The following SERPINB12 variants were observed in gnomAD, a reference collection of about 807,000 sequenced individuals.
The protein encoded by SERPINB12 is serpin family B member 12, also known as serpin B12.
Under a neutral mutation model 41.1 loss-of-function variants are expected in SERPINB12, and 57 were observed. The observed-to-expected ratio is 1.39, with a 90% CI of 1.12 to 1.73. SERPINB12 has a LOEUF of 1.73. Ranked by LOEUF, SERPINB12 falls within the 40% of genes most tolerant of loss-of-function variation. The probability of loss-of-function intolerance (pLI) is 0.00; values close to 1 mark genes in which losing one functional copy is unlikely to be tolerated. For missense variants in SERPINB12, 536 were observed against 501.9 expected (o/e 1.07, Z -0.65); for synonymous variants, 180 against 181.3 (o/e 0.99, Z 0.06).
In SERPINB12 at chr18:63,568,015, G is replaced by T. The variant is rs1196085968; in HGVS notation, c.*1004G>T. Among the ~76,000 whole-genome samples, 1 of 152,184 alleles carries T rather than the reference G, an allele frequency of 6.6e-6. No homozygotes were observed. Among genetic ancestry groups the T allele is most frequent in the Non-Finnish European group, 1.5e-5 (1 of 68,048 alleles). On this transcript the variant is annotated 3_prime_UTR_variant, in exon 8 of 8. Transcript: ENST00000382768. The stretch of plus-strand genomic sequence containing the variant: ...CTGCCTTCTGGCCACGTGGACTTTT[G>T]TGTCTTCCGAGAGGTCTCATGCCAG...
chr18:63,534,341 G>A, the SERPINB12 span, among the ~76,000 whole-genome samples: 1 of 152,104 alleles, frequency 6.6e-6, no homozygotes, highest in Non-Finnish European at 1.5e-5. Flanking sequence ...ATTATCTGTG[G>A]GTACTTGTGG....
In SERPINB12 at chr18:63,565,497, G is replaced by A. The variant is rs761228915; in HGVS notation, c.758G>A (p.Gly253Asp). 2 of 1,613,966 alleles carry A rather than the reference G, an allele frequency of 1.2e-6. No homozygotes were observed. The highest frequency in any genetic ancestry group is 1.6e-4 in the Middle Eastern group (1 of 6,062). ...MMTQKGLYRIGFIEEVKAQIL... is the reference protein window; with the variant it reads ...MMTQKGLYRIDFIEEVKAQIL... ...ACGCAAAAAGGCCTCTACAGAATTG[G>A]CTTCATAGAGGAGGTGAAGGCACAG... Residue 253 changes from glycine (G) to aspartate (D), a missense_variant, in exon 7 of 8, where the codon GGC (glycine) becomes GAC (aspartate). Gly to Asp is a moderately conservative substitution (Grantham distance 94). Transcript: ENST00000382768.
At chr18:63,537,972 C>T (rs1052854450), upstream of SERPINB12, among the ~76,000 whole-genome samples, 1 of 151,992 alleles carries the variant, frequency 6.6e-6, no homozygotes, top group African/African-American at 2.4e-5. Flanking sequence ...AGAAATTCCA[C>T]CAGATGCAAA....
upstream of SERPINB12, among the ~76,000 whole-genome samples, chr18:63,541,402 G>C (rs1477844851): frequency 6.6e-6 from 1 of 152,100 alleles, no homozygotes; most frequent in Non-Finnish European, 1.5e-5. Context: ...TGTAGATTTT[G>C]AGTGTACTGT....
intron 1 of SERPINB12, among the ~76,000 whole-genome samples, chr18:63,552,225 A>G (rs541472606): frequency 7.9e-5 from 12 of 152,206 alleles, no homozygotes; most frequent in African/African-American, 1.4e-4. Flanking sequence ...TAATTCAGAT[A>G]CGACAAATGT....
rs1910744504 is a variant in SERPINB12 at position 63,558,266 on chromosome 18, A to G, written c.169-86A>G. On this transcript the variant is annotated intron_variant, in intron 2 of 7. Coordinates refer to ENST00000382768, the MANE Select transcript of SERPINB12 (RefSeq NM_001307928.2). ...TTTGTTTGACTATGTAATCATTGCC[A>G]TTGTCTCATTATGAAATGTTTCTGA... 5 of 1,378,110 alleles carry G rather than the reference A, an allele frequency of 3.6e-6. No homozygotes were observed. In the Admixed American group the frequency reaches 1.1e-4, roughly 31 times the overall value. 85.4% of individuals were successfully genotyped at this position (1,378,110 alleles called of 1,614,324 possible).
At chr18:63,563,426 AAAG>A (rs773797212) in intron 5 of SERPINB12, among the ~76,000 whole-genome samples, 97 of 152,280 alleles carry the variant, frequency 6.4e-4, no homozygotes, top group Admixed American at 2.0e-3. Context: ...ACAGGGAATC[AAAG>A]GAGATTCCTT....
chr18:63,539,129 T>A (rs1296554959), upstream of SERPINB12, among the ~76,000 whole-genome samples: 1 of 152,086 alleles, frequency 6.6e-6, no homozygotes, highest in Non-Finnish European at 1.5e-5. Context: ...CAGGGTTATT[T>A]CCTCTCTCCA....
intron 7 of SERPINB12, among the ~76,000 whole-genome samples, chr18:63,566,241 A>G (rs1450813770): frequency 2.0e-5 from 3 of 152,238 alleles, no homozygotes; most frequent in Non-Finnish European, 4.4e-5. Flanking sequence ...TTCTTTATAT[A>G]CATGATTTTA....
the SERPINB12 span, among the ~76,000 whole-genome samples, chr18:63,532,098 T>C: frequency 6.6e-6 from 1 of 152,236 alleles, no homozygotes. Flanking sequence ...ACTTGGACTC[T>C]AGCTCATACT....
chr18:63,559,615 G>A lies in SERPINB12; in HGVS notation c.341G>A (p.Cys114Tyr). ...AACAATGAGAGCGGACTGGTCAGCT[G>A]CTACTTTGGGCAGCTTCTCTCCAAA... Reference protein sequence around the residue: ...SLNNESGLVSCYFGQLLSKLD... With the variant: ...SLNNESGLVSYYFGQLLSKLD... Residue 114 changes from cysteine (C) to tyrosine (Y), a missense_variant, in exon 4 of 8, where the codon TGC becomes TAC. By Grantham distance (194) the Cys-to-Tyr change is radical. Coordinates refer to ENST00000382768, the MANE Select transcript of SERPINB12 (RefSeq NM_001307928.2). 6.2e-7 allele frequency: 1 copy of A among 1,614,150 alleles called. No individual in the cohort carries two copies. Among genetic ancestry groups the A allele is most frequent in the African/African-American group, 1.3e-5 (1 of 75,040 alleles).
chr18:63,540,574 A>G (rs1032430730), upstream of SERPINB12, among the ~76,000 whole-genome samples: 3 of 152,154 alleles, frequency 2.0e-5, no homozygotes, highest in African/African-American at 7.2e-5. Context: ...TGAGATTCAG[A>G]CAAACTGTTA....
At chr18:63,562,570 C>T (rs979255027) in intron 5 of SERPINB12, among the ~76,000 whole-genome samples, 1 of 152,138 alleles carries the variant, frequency 6.6e-6, no homozygotes. Flanking sequence ...CTCACACTGA[C>T]TTAGGGATGG....
chr18:63,559,047 T>TTTCTTTCTTTCTTTCTTTC lies in SERPINB12; in HGVS notation c.304-519_304-518insTTCTTTCTTCTTTCTTTCT, dbSNP rs1200881737. 4.3e-5 allele frequency among the ~76,000 whole-genome samples: 4 copies of TTTCTTTCTTTCTTTCTTTC among 92,654 alleles called. No individual in the cohort carries two copies. In the South Asian group the frequency reaches 1.5e-3, roughly 34 times the overall value. 60.8% of individuals were successfully genotyped at this position (92,654 alleles called of 152,430 possible). A position where few individuals can be genotyped will look rare whatever the true frequency, so the allele number is the denominator to read the frequency against. ...CTTTCTTTCTTTCTTTCTTTCTTTC[T>TTTCTTTCTTTCTTTCTTTC]TTCTTTCTTTCTCTCCTTCTTCTCT... is the stretch of plus-strand genomic sequence containing the variant. On this transcript the variant is annotated intron_variant, in intron 3 of 7. Coordinates refer to ENST00000382768, the MANE Select transcript of SERPINB12 (RefSeq NM_001307928.2).
chr18:63,566,104 G>C (rs73468576), intron 7 of SERPINB12, among the ~76,000 whole-genome samples: 1 of 152,104 alleles, frequency 6.6e-6, no homozygotes, highest in South Asian at 2.1e-4. Context: ...ATTGTCCAGG[G>C]GGGTAAAGAG....
intron 6 of SERPINB12, among the ~76,000 whole-genome samples, chr18:63,565,197 A>T (rs899510669): frequency 6.6e-6 from 1 of 152,114 alleles, no homozygotes; most frequent in African/African-American, 2.4e-5. Context: ...AGAAACAAAA[A>T]AGCAAACACC....
chr18:63,564,383 A>G (rs1336874011), intron 6 of SERPINB12, among the ~76,000 whole-genome samples: 8 of 152,180 alleles, frequency 5.3e-5, no homozygotes, highest in Admixed American at 5.2e-4. Flanking sequence ...TTAGGATTTG[A>G]GACAAAAAAA....
At chr18:63,544,792 TA>T (rs1911200529) in intron 1 of SERPINB12, among the ~76,000 whole-genome samples, 1 of 152,206 alleles carries the variant, frequency 6.6e-6, no homozygotes, top group South Asian at 2.1e-4. Context: ...ATAAGACTCT[TA>T]AATTTGGAGG....
At chr18:63,537,671 C>T (rs1429544949), upstream of SERPINB12, among the ~76,000 whole-genome samples, 1 of 152,132 alleles carries the variant, frequency 6.6e-6, no homozygotes, top group African/African-American at 2.4e-5. Flanking sequence ...GCAACTACAA[C>T]AATCAAGCCC....
Sources: gnomAD v4.1 joint callset for allele counts (sites outside exome capture counted in the v4.1 genomes callset) on GRCh38, gnomAD v4.1.1 for gene constraint, MANE v1.5 for transcripts, NCBI Gene and HGNC (gene_info 2026-07-23, HGNC 2026-07-21) for gene names.